The following ERG variants were observed in gnomAD, a reference collection of about 807,000 sequenced individuals.
ERG encodes the protein ETS transcription factor ERG.
In ERG, 9 loss-of-function variants were observed where a neutral mutation model predicts 55.3. That is an observed-to-expected ratio of 0.16 (90% CI 0.10 to 0.28). The LOEUF is 0.28. Among genes scored for constraint, ERG ranks in the 10% least tolerant of loss-of-function variants. The probability of loss-of-function intolerance (pLI) is 1.00; values close to 1 mark genes in which losing one functional copy is unlikely to be tolerated. For missense variants in ERG, 434 were observed against 631.6 expected, an observed-to-expected ratio of 0.69 and a Z score of 3.35; for synonymous variants, 223 against 237.3, an observed-to-expected ratio of 0.94 and a Z score of 0.55.
intron 2 of ERG, among the ~76,000 whole-genome samples, chr21:38,539,392 A>C (rs188852377): frequency 5.1e-4 from 78 of 152,318 alleles, no homozygotes; most frequent in African/African-American, 9.1e-4. Flanking sequence ...AAAAGATTCC[A>C]TTTTGGCTAT....
intron 2 of ERG, among the ~76,000 whole-genome samples, chr21:38,554,894 ATTAGAT>A: frequency 6.6e-6 from 1 of 152,152 alleles, no homozygotes. Flanking sequence ...ATCCAAATAG[ATTAGAT>A]TTAATTAAAA....
intron 1 of ERG, among the ~76,000 whole-genome samples, chr21:38,487,950 A>G (rs1490003249): frequency 6.6e-6 from 1 of 152,218 alleles, no homozygotes; most frequent in Non-Finnish European, 1.5e-5. Context: ...TCACTAGAAT[A>G]TATTCGTGCA....
intron 2 of ERG, among the ~76,000 whole-genome samples, chr21:38,436,262 G>A (rs2058789230): frequency 6.6e-6 from 1 of 151,998 alleles, no homozygotes; most frequent in Non-Finnish European, 1.5e-5. Context: ...TTTTTAAAAT[G>A]TGATTGTTTT....
chr21:38,613,859 T>G (rs1180734813), intron 1 of ERG, among the ~76,000 whole-genome samples: 1 of 151,804 alleles, frequency 6.6e-6, no homozygotes, highest in South Asian at 2.1e-4. Flanking sequence ...GGGCCCCCCC[T>G]CTTCAGCCGG....
At chr21:38,395,199 C>T (rs753629489) in intron 6 of ERG, among the ~76,000 whole-genome samples, 2 of 152,162 alleles carry the variant, frequency 1.3e-5, no homozygotes, top group Non-Finnish European at 2.9e-5. Context: ...TATCGGCTAC[C>T]GATCACATGC....
chr21:38,529,334 T>C (rs1775237313), intron 2 of ERG, among the ~76,000 whole-genome samples: 1 of 152,018 alleles, frequency 6.6e-6, no homozygotes, highest in Admixed American at 6.6e-5. Context: ...GCTAGTGATG[T>C]GAATTAAGGT....
intron 1 of ERG, among the ~76,000 whole-genome samples, chr21:38,487,423 T>C (rs886832522): frequency 3.3e-5 from 5 of 152,172 alleles, no homozygotes; most frequent in African/African-American, 9.7e-5. Context: ...TATTATTCAA[T>C]GGAGATACTG....
chr21:38,453,029 C>A (rs551700127), intron 1 of ERG, among the ~76,000 whole-genome samples: 1 of 152,332 alleles, frequency 6.6e-6, no homozygotes, highest in Non-Finnish European at 1.5e-5. Context: ...GATCCACAAA[C>A]TTCTATTACA....
rs757066352 is a variant in ERG at position 38,474,874 on chromosome 21, G to A, written c.18+23489C>T. The stretch of plus-strand genomic sequence containing the variant: ...GATGAATCAAAGAAAGTGAAGCATC[G>A]TAGACAATATAGGACCTTCCTGATA... On this transcript the variant is annotated intron_variant, in intron 1 of 9. Transcript: ENST00000288319. Among the ~76,000 whole-genome samples, 8 of 152,100 alleles carry A rather than the reference G, an allele frequency of 5.3e-5. No homozygotes were observed. In the South Asian group the frequency reaches 6.2e-4, roughly 12 times the overall value.
chr21:38,659,770 C>T (rs1191626161), intron 1 of ERG, among the ~76,000 whole-genome samples: 15 of 152,160 alleles, frequency 9.9e-5, no homozygotes, highest in Non-Finnish European at 2.1e-4. Context: ...CATTTTATTG[C>T]GCAGTGTAGT....
chr21:38,627,120 AAG>A (rs1396807321), intron 1 of ERG, among the ~76,000 whole-genome samples: 3 of 152,158 alleles, frequency 2.0e-5, no homozygotes, highest in Non-Finnish European at 4.4e-5. Flanking sequence ...ATTTGCAAAA[AAG>A]AGTATTATTA....
At chr21:38,644,627 T>G (rs896373766) in intron 1 of ERG, among the ~76,000 whole-genome samples, 1 of 152,212 alleles carries the variant, frequency 6.6e-6, no homozygotes, top group Non-Finnish European at 1.5e-5. Context: ...AGAACTAACT[T>G]AGGCTGAATT....
intron 2 of ERG, among the ~76,000 whole-genome samples, chr21:38,435,282 C>T (rs201252275): frequency 2.6e-5 from 4 of 152,126 alleles, no homozygotes; most frequent in African/African-American, 7.2e-5. Context: ...TAGTGTGAAT[C>T]GAGGTCAGTC....
At chr21:38,408,170 C>A (rs1988862040) in intron 3 of ERG, among the ~76,000 whole-genome samples, 1 of 152,134 alleles carries the variant, frequency 6.6e-6, no homozygotes, top group South Asian at 2.1e-4. Context: ...GAAATGAGGG[C>A]ATTCCTTTTC....
chr21:38,512,847 T>A (rs2059523027), intron 2 of ERG, among the ~76,000 whole-genome samples: 1 of 152,106 alleles, frequency 6.6e-6, no homozygotes, highest in African/African-American at 2.4e-5. Context: ...AATTAAAACC[T>A]ACGGGCCAGG....
chr21:38,434,793 T>C (rs1201297417), intron 2 of ERG, among the ~76,000 whole-genome samples: 1 of 152,214 alleles, frequency 6.6e-6, no homozygotes, highest in Non-Finnish European at 1.5e-5. Flanking sequence ...TGAAGCACTA[T>C]ACAGATTAAC....
At chr21:38,504,260 A>C (rs1280596185) in intron 2 of ERG, among the ~76,000 whole-genome samples, 1 of 152,198 alleles carries the variant, frequency 6.6e-6, no homozygotes, top group African/African-American at 2.4e-5. Context: ...AGCACACGTC[A>C]GTTCAGTTCT....
chr21:38,537,583 T>C (rs186037655), intron 2 of ERG, among the ~76,000 whole-genome samples: 1 of 152,112 alleles, frequency 6.6e-6, no homozygotes, highest in Non-Finnish European at 1.5e-5. Context: ...ATGCTCAACA[T>C]CACTAATCAT....
intron 9 of ERG, 95 bp downstream of exon 9, chr21:38,390,900 G>T: frequency 3.1e-6 from 3 of 974,078 alleles, no homozygotes; most frequent in East Asian, 2.4e-5. Flanking sequence ...AATCTGTTCA[G>T]TTGAAGGAAT....
Sources: allele counts gnomAD v4.1 joint callset (sites outside exome capture counted in the v4.1 genomes callset), GRCh38; gene constraint gnomAD v4.1.1; transcripts MANE v1.5; gene names NCBI Gene and HGNC (gene_info 2026-07-23, HGNC 2026-07-21).